The following SLC24A2 variants were observed in gnomAD, a reference collection of about 807,000 sequenced individuals.
SLC24A2 encodes solute carrier family 24 member 2.
In SLC24A2, 36 loss-of-function variants were observed where a neutral mutation model predicts 62.0. That is an observed-to-expected ratio of 0.58 (90% CI 0.44 to 0.77). The LOEUF (loss-of-function observed/expected upper bound fraction) is 0.77. Ranked by LOEUF, SLC24A2 falls within the 30% of genes least tolerant of loss-of-function variation. The probability of loss-of-function intolerance (pLI) is 0.00; values close to 1 mark genes in which losing one functional copy is unlikely to be tolerated. For synonymous variants in SLC24A2, 358 were observed against 294.0 expected, an observed-to-expected ratio of 1.22 and a Z score of -2.23; for missense variants, 846 against 817.9, an observed-to-expected ratio of 1.03 and a Z score of -0.42.
At chr9:19,890,709 A>T in the SLC24A2 span, among the ~76,000 whole-genome samples, 2 of 152,092 alleles carry the variant, frequency 1.3e-5, no homozygotes, top group East Asian at 3.9e-4. Context: ...CAGGAGTCTC[A>T]CTATGTTGCC....
the SLC24A2 span, among the ~76,000 whole-genome samples, chr9:19,862,241 C>G: frequency 1.3e-5 from 2 of 152,234 alleles, no homozygotes; most frequent in South Asian, 2.1e-4. Flanking sequence ...ATATGTCTGG[C>G]AGCAGACTAT....
At chr9:19,531,026 A>T (rs551777767) in intron 8 of SLC24A2, among the ~76,000 whole-genome samples, 3 of 152,204 alleles carry the variant, frequency 2.0e-5, no homozygotes, top group Admixed American at 6.5e-5. Context: ...TCATCATACC[A>T]GGCTCTGCTC....
At chr9:20,295,473 G>C in the SLC24A2 span, among the ~76,000 whole-genome samples, 1 of 152,116 alleles carries the variant, frequency 6.6e-6, no homozygotes, top group Non-Finnish European at 1.5e-5. Flanking sequence ...CTAGAAACCT[G>C]GTAAATCATT....
the SLC24A2 span, among the ~76,000 whole-genome samples, chr9:19,897,803 G>C: frequency 3.9e-5 from 6 of 152,148 alleles, no homozygotes; most frequent in South Asian, 4.1e-4. Flanking sequence ...AGGGACAAAA[G>C]GGCAAAACTG....
At chr9:19,712,899 A>T (rs1820754792) in intron 2 of SLC24A2, among the ~76,000 whole-genome samples, 1 of 152,122 alleles carries the variant, frequency 6.6e-6, no homozygotes, top group Non-Finnish European at 1.5e-5. Context: ...CCCAGTTGTG[A>T]CAATTAAAAA....
the SLC24A2 span, among the ~76,000 whole-genome samples, chr9:20,007,106 T>C: frequency 1.3e-5 from 2 of 152,184 alleles, no homozygotes; most frequent in African/African-American, 2.4e-5. Context: ...GTAAATCAGA[T>C]GACAGCTGAT....
chr9:20,085,161 AATTTTTAAAAAT>A, the SLC24A2 span, among the ~76,000 whole-genome samples: 39 of 152,182 alleles, frequency 2.6e-4, no homozygotes, highest in Non-Finnish European at 4.4e-4. Flanking sequence ...ATGCCCAGCT[AATTTTTAAAAAT>A]ATTTTTGTAG....
intron 2 of SLC24A2, among the ~76,000 whole-genome samples, chr9:19,785,182 G>A (rs1823126094): frequency 6.6e-6 from 1 of 152,196 alleles, no homozygotes; most frequent in South Asian, 2.1e-4. Context: ...TTACTTCTAA[G>A]CTCTTTACCA....
intron 2 of SLC24A2, among the ~76,000 whole-genome samples, chr9:19,709,007 C>G (rs573571805): frequency 4.5e-4 from 69 of 152,202 alleles, no homozygotes; most frequent in South Asian, 1.2e-3. Flanking sequence ...ACCTACTCAT[C>G]TGACAAAGGG....
chr9:19,971,233 G>C, the SLC24A2 span, among the ~76,000 whole-genome samples: 416 of 152,264 alleles, frequency 2.7e-3, 2 homozygotes, highest in African/African-American at 9.5e-3. Context: ...AAGACAAAAA[G>C]AATGTCTTAG....
the SLC24A2 span, among the ~76,000 whole-genome samples, chr9:19,958,953 C>T: frequency 3.0e-3 from 455 of 152,288 alleles, no homozygotes; most frequent in African/African-American, 0.01. Flanking sequence ...TATCCACATG[C>T]ACCCTAAGTC....
chr9:20,158,498 C>G, the SLC24A2 span, among the ~76,000 whole-genome samples: 35 of 151,750 alleles, frequency 2.3e-4, no homozygotes, highest in African/African-American at 8.4e-4. Flanking sequence ...TTATGAAGAA[C>G]AGGGCCGTCA....
At chr9:19,798,994 T>G in the SLC24A2 span, among the ~76,000 whole-genome samples, 1 of 145,046 alleles carries the variant, frequency 6.9e-6, no homozygotes, top group Non-Finnish European at 1.5e-5. Context: ...TTTCATCTTC[T>G]TGTTGTATTT....
At chr9:19,521,291 A>T (rs1229763681) in intron 9 of SLC24A2, among the ~76,000 whole-genome samples, 1 of 152,222 alleles carries the variant, frequency 6.6e-6, no homozygotes, top group East Asian at 1.9e-4. Context: ...AGATAATCTC[A>T]AAAAAGAGCT....
At chr9:20,021,450 T>C in the SLC24A2 span, among the ~76,000 whole-genome samples, 15 of 152,168 alleles carry the variant, frequency 9.9e-5, no homozygotes, top group South Asian at 2.9e-3. Flanking sequence ...TATTGGATTA[T>C]TAATAATAAT....
At chr9:19,660,606 C>T (rs563797541) in intron 2 of SLC24A2, among the ~76,000 whole-genome samples, 3 of 152,238 alleles carry the variant, frequency 2.0e-5, no homozygotes, top group Admixed American at 1.3e-4. Context: ...TCAGATGTCT[C>T]GTGCTTTCCT....
the SLC24A2 span, among the ~76,000 whole-genome samples, chr9:20,129,807 G>C: frequency 6.6e-6 from 1 of 152,166 alleles, no homozygotes; most frequent in African/African-American, 2.4e-5. Flanking sequence ...TGCTTGAAGA[G>C]TGAAAGGCTT....
intron 5 of SLC24A2, among the ~76,000 whole-genome samples, chr9:19,580,261 G>A (rs894764614): frequency 2.6e-4 from 40 of 152,300 alleles, no homozygotes; most frequent in African/African-American, 9.1e-4. Context: ...CATCCTAAGC[G>A]CTGACAATGG....
At chr9:20,059,451 C>G in the SLC24A2 span, among the ~76,000 whole-genome samples, 2 of 152,118 alleles carry the variant, frequency 1.3e-5, no homozygotes, top group Non-Finnish European at 2.9e-5. Flanking sequence ...TACAAAATAT[C>G]TTTTCCAACC....
Sources: gnomAD v4.1 joint callset for allele counts (sites outside exome capture counted in the v4.1 genomes callset) on GRCh38, gnomAD v4.1.1 for gene constraint, MANE v1.5 for transcripts, NCBI Gene and HGNC (gene_info 2026-07-23, HGNC 2026-07-21) for gene names.